Variants in JAZF1 observed in about 807,000 individuals in gnomAD.
The protein encoded by JAZF1 is JAZF zinc finger 1, also known as juxtaposed with another zinc finger protein 1.
JAZF1 carries 8 observed loss-of-function variants against 26.4 expected under a neutral mutation model. That is an observed-to-expected ratio of 0.30 (90% confidence interval 0.18 to 0.55). JAZF1 has a LOEUF of 0.55. Among genes scored for constraint, JAZF1 ranks in the 20% least tolerant of loss-of-function variants. The probability of loss-of-function intolerance (pLI) is 0.94; values close to 1 mark genes in which losing one functional copy is unlikely to be tolerated. For missense variants in JAZF1, 199 were observed against 322.0 expected, an observed-to-expected ratio of 0.62 and a Z score of 2.92; for synonymous variants, 126 against 122.3, an observed-to-expected ratio of 1.03 and a Z score of -0.20.
chr7:28,178,818 C>G (rs1219206454), intron 1 of JAZF1, among the ~76,000 whole-genome samples: 1 of 152,218 alleles, frequency 6.6e-6, no homozygotes, highest in Non-Finnish European at 1.5e-5. Context: ...ATGGAAGAAG[C>G]TATTACAAGG....
chr7:28,175,576 G>A (rs1783538368), intron 1 of JAZF1, among the ~76,000 whole-genome samples: 1 of 152,200 alleles, frequency 6.6e-6, no homozygotes, highest in Non-Finnish European at 1.5e-5. Flanking sequence ...CTGGTCATAA[G>A]GGGGACAAGT....
chr7:27,955,449 C>A (rs150535817), intron 2 of JAZF1, among the ~76,000 whole-genome samples: 2 of 152,170 alleles, frequency 1.3e-5, no homozygotes, highest in Non-Finnish European at 2.9e-5. Context: ...AGCTTTCTAG[C>A]GTGTTTTCCT....
intron 2 of JAZF1, among the ~76,000 whole-genome samples, chr7:27,963,456 T>C (rs760640953): frequency 5.3e-5 from 8 of 152,208 alleles, no homozygotes; most frequent in Non-Finnish European, 1.0e-4. Flanking sequence ...TAATGGTAAA[T>C]TGGGGGTAGC....
chr7:28,041,761 GC>G (rs1366587438), intron 1 of JAZF1, among the ~76,000 whole-genome samples: 2 of 152,164 alleles, frequency 1.3e-5, no homozygotes, highest in South Asian at 2.1e-4. Context: ...CCTGTACGCA[GC>G]TGTCTGAGAT....
intron 4 of JAZF1, among the ~76,000 whole-genome samples, chr7:27,839,895 C>G (rs768450076): frequency 6.6e-6 from 1 of 152,006 alleles, no homozygotes; most frequent in Non-Finnish European, 1.5e-5. Flanking sequence ...ATCAAGCATA[C>G]CAGGTATGTT....
At chr7:27,859,528 A>G (rs1304612606) in intron 3 of JAZF1, among the ~76,000 whole-genome samples, 1 of 152,264 alleles carries the variant, frequency 6.6e-6, no homozygotes, top group Non-Finnish European at 1.5e-5. Context: ...ACCATGGAAT[A>G]CTATGCAGCC....
intron 2 of JAZF1, among the ~76,000 whole-genome samples, chr7:27,938,234 C>T (rs73685862): frequency 0.03 from 4,615 of 152,232 alleles, 233 homozygotes; most frequent in African/African-American, 0.1. Context: ...AAATGAGCCC[C>T]GCTATTTTAT....
chr7:28,046,087 G>A (rs1055136919), intron 1 of JAZF1, among the ~76,000 whole-genome samples: 1 of 152,170 alleles, frequency 6.6e-6, no homozygotes, highest in Admixed American at 6.5e-5. Context: ...TGTTTTCAAT[G>A]TATGAGCAAA....
At chr7:27,891,070 G>A (rs755848517) in intron 3 of JAZF1, among the ~76,000 whole-genome samples, 9 of 152,176 alleles carry the variant, frequency 5.9e-5, no homozygotes, top group Admixed American at 2.0e-4. Context: ...GATTACAGGC[G>A]TGAGCGACCG....
chr7:28,068,869 G>A (rs915902004), intron 1 of JAZF1, among the ~76,000 whole-genome samples: 6 of 152,230 alleles, frequency 3.9e-5, no homozygotes, highest in African/African-American at 1.4e-4. Context: ...CTGCAGCAAA[G>A]GGAGATGGTT....
chr7:27,908,815 C>T (rs557317814), intron 2 of JAZF1, among the ~76,000 whole-genome samples: 1 of 152,348 alleles, frequency 6.6e-6, no homozygotes, highest in East Asian at 1.9e-4. Flanking sequence ...TTGGAACACA[C>T]ATTCTATTTT....
At chr7:27,934,189 G>A (rs1002242991) in intron 2 of JAZF1, among the ~76,000 whole-genome samples, 1 of 152,134 alleles carries the variant, frequency 6.6e-6, no homozygotes, top group African/African-American at 2.4e-5. Flanking sequence ...GTTGGAGAAG[G>A]ATACTCATTG....
chr7:28,049,043 TCCCTC>T (rs1417336270), intron 1 of JAZF1, among the ~76,000 whole-genome samples: 105 of 37,424 alleles, frequency 2.8e-3, no homozygotes, highest in African/African-American at 9.0e-3. Context: ...TCCCCTTCCC[TCCCTC>T]CCCTCCCCTC....
At chr7:28,132,149 CAT>C (rs916412269) in intron 1 of JAZF1, among the ~76,000 whole-genome samples, 1 of 152,160 alleles carries the variant, frequency 6.6e-6, no homozygotes, top group East Asian at 1.9e-4. Flanking sequence ...ATTTTGAAAA[CAT>C]GTGAGCTATT....
At chr7:28,126,061 T>C (rs1043975212) in intron 1 of JAZF1, among the ~76,000 whole-genome samples, 2 of 152,134 alleles carry the variant, frequency 1.3e-5, no homozygotes, top group Non-Finnish European at 2.9e-5. Context: ...CCTGGCCTTA[T>C]CCTATGGTTC....
At chr7:27,927,294 T>A (rs143676617) in intron 2 of JAZF1, among the ~76,000 whole-genome samples, 1,600 of 152,266 alleles carry the variant, frequency 0.011, 17 homozygotes, top group South Asian at 0.063. Flanking sequence ...TTTATAATAT[T>A]TACTAAAGAA....
At chr7:27,864,294 C>T (rs753296979) in intron 3 of JAZF1, among the ~76,000 whole-genome samples, 1 of 152,190 alleles carries the variant, frequency 6.6e-6, no homozygotes, top group Non-Finnish European at 1.5e-5. Context: ...TAAGACAATT[C>T]CACAAAGCCA....
chr7:27,908,085 TGAGA>T (rs1250196314), intron 2 of JAZF1, among the ~76,000 whole-genome samples: 2 of 152,198 alleles, frequency 1.3e-5, no homozygotes, highest in Non-Finnish European at 2.9e-5. Flanking sequence ...CTGTAATATC[TGAGA>T]GAGAAAGTTG....
chr7:27,991,248 C>T (rs1785896484), intron 2 of JAZF1, among the ~76,000 whole-genome samples: 1 of 152,106 alleles, frequency 6.6e-6, no homozygotes, highest in South Asian at 2.1e-4. Flanking sequence ...TTTACTTTGT[C>T]TTTTTTGCTT....
Sources: gnomAD v4.1 joint callset for allele counts (sites outside exome capture counted in the v4.1 genomes callset) on GRCh38, gnomAD v4.1.1 for gene constraint, MANE v1.5 for transcripts, NCBI Gene and HGNC (gene_info 2026-07-23, HGNC 2026-07-21) for gene names.